The following KDM4C variants were observed in gnomAD, a reference collection of about 807,000 sequenced individuals.
The protein encoded by KDM4C is lysine demethylase 4C.
A neutral mutation model predicts 129.3 loss-of-function variants in KDM4C; 81 were observed. That is an observed-to-expected ratio of 0.63 (90% CI 0.52 to 0.75). The LOEUF (loss-of-function observed/expected upper bound fraction) is 0.75. KDM4C is among the 30% of genes least tolerant of loss of function. KDM4C has a pLI of 0.00. For missense variants in KDM4C, 1,457 were observed against 1,304.0 expected (o/e 1.12, Z -1.81); for synonymous variants, 573 against 456.1 (o/e 1.26, Z -3.26).
intron 8 of KDM4C, among the ~76,000 whole-genome samples, chr9:6,899,914 G>A (rs890217735): frequency 1.3e-5 from 2 of 152,250 alleles, no homozygotes; most frequent in Middle Eastern, 3.4e-3. Flanking sequence ...GGCATTATCT[G>A]CTTTTGAGTC....
At chr9:7,150,860 T>C (rs180886270) in intron 19 of KDM4C, among the ~76,000 whole-genome samples, 61 of 152,358 alleles carry the variant, frequency 4.0e-4, no homozygotes, top group African/African-American at 1.2e-3. Context: ...CTATTTCTAA[T>C]ATCATAAAGA....
intron 21 of KDM4C, among the ~76,000 whole-genome samples, chr9:7,173,808 CAG>C (rs1369742834): frequency 6.6e-6 from 1 of 152,190 alleles, no homozygotes; most frequent in Non-Finnish European, 1.5e-5. Flanking sequence ...GCCTCTGAGA[CAG>C]GGACTTTGTG....
chr9:6,887,305 G>A (rs1184328271), intron 6 of KDM4C, among the ~76,000 whole-genome samples: 23 of 152,290 alleles, frequency 1.5e-4, no homozygotes, highest in Admixed American at 1.3e-3. Flanking sequence ...CTGTCTTGGC[G>A]TATAATATAC....
At chr9:6,975,577 A>C (rs1832782772) in intron 8 of KDM4C, among the ~76,000 whole-genome samples, 1 of 152,110 alleles carries the variant, frequency 6.6e-6, no homozygotes, top group Non-Finnish European at 1.5e-5. Context: ...ATATTTTTTT[A>C]AGGTTATTTA....
At chr9:6,950,747 A>G (rs1419748632) in intron 8 of KDM4C, among the ~76,000 whole-genome samples, 1 of 152,186 alleles carries the variant, frequency 6.6e-6, no homozygotes, top group Non-Finnish European at 1.5e-5. Flanking sequence ...GAGAAAGCAT[A>G]CTTTTTTATG....
intron 15 of KDM4C, among the ~76,000 whole-genome samples, chr9:7,022,597 A>C (rs1825062002): frequency 6.7e-6 from 1 of 149,382 alleles, no homozygotes; most frequent in Admixed American, 6.7e-5. Context: ...AAACAACAAT[A>C]ATTTGAATTC....
intron 17 of KDM4C, among the ~76,000 whole-genome samples, chr9:7,062,547 C>G (rs150008478): frequency 1.4e-3 from 211 of 152,108 alleles, no homozygotes; most frequent in African/African-American, 5.0e-3. Flanking sequence ...ACTACTATTT[C>G]CAGCTAATTT....
In KDM4C at chr9:7,049,508, C is replaced by G. The variant is rs181341930; in HGVS notation, c.2424+308C>G. ...AAGATTTGTCAGTACTGGAGCTGAGCCATCTAACTCTATTTAAATTGTTTA... is the reference window on the plus strand; with the variant it reads ...AAGATTTGTCAGTACTGGAGCTGAGGCATCTAACTCTATTTAAATTGTTTA... On this transcript the variant is annotated intron_variant, in intron 17 of 21. Coordinates refer to ENST00000381309, the MANE Select transcript of KDM4C (RefSeq NM_015061.6). Among the ~76,000 whole-genome samples, 10 of 152,058 alleles carry G rather than the reference C, an allele frequency of 6.6e-5. No individual in the cohort carries two copies. The East Asian group carries it at 9.7e-4, about 15-fold the overall frequency.
intron 1 of KDM4C, among the ~76,000 whole-genome samples, chr9:6,760,006 A>G (rs1819093088): frequency 6.6e-6 from 1 of 150,848 alleles, no homozygotes; most frequent in South Asian, 2.1e-4. Flanking sequence ...AGCTTTTAGT[A>G]AATGAATAGT....
chr9:7,085,958 C>A (rs1373721889), intron 17 of KDM4C, among the ~76,000 whole-genome samples: 2 of 152,080 alleles, frequency 1.3e-5, no homozygotes, highest in Admixed American at 6.5e-5. Context: ...GAGTTCGAGA[C>A]CAGCCTGGCC....
chr9:7,073,156 C>G (rs1833442513), intron 17 of KDM4C, among the ~76,000 whole-genome samples: 2 of 152,280 alleles, frequency 1.3e-5, no homozygotes, highest in Admixed American at 1.3e-4. Context: ...GAATCTTCTT[C>G]TTAGAATGCT....
Position 6,918,381 on chromosome 9 carries a change from A to G in KDM4C, c.921+25149A>G, listed in dbSNP as rs547526553. Among the ~76,000 whole-genome samples, 9 of 152,334 alleles carry G rather than the reference A, an allele frequency of 5.9e-5. No homozygotes were observed. The East Asian group carries it at 7.7e-4, about 13-fold the overall frequency. The stretch of plus-strand genomic sequence containing the variant: ...TCTTTTTATGGCTGCATAGTATTCC[A>G]TGACGTGTATGTACCATATTTTCTT... On this transcript the variant is annotated intron_variant, in intron 8 of 21. Coordinates refer to ENST00000381309, the MANE Select transcript of KDM4C (RefSeq NM_015061.6).
intron 15 of KDM4C, among the ~76,000 whole-genome samples, chr9:7,034,406 C>T (rs1173724741): frequency 6.6e-6 from 1 of 152,172 alleles, no homozygotes; most frequent in Non-Finnish European, 1.5e-5. Context: ...CTTTTTACTT[C>T]TATGGGATCA....
At chr9:7,123,825 G>A (rs1468461263) in intron 18 of KDM4C, among the ~76,000 whole-genome samples, 3 of 152,142 alleles carry the variant, frequency 2.0e-5, no homozygotes, top group Admixed American at 6.5e-5. Flanking sequence ...CTACTGGAGC[G>A]GGTGAGGTGA....
chr9:7,007,785 AG>A (rs1425462280), intron 12 of KDM4C, among the ~76,000 whole-genome samples: 18 of 152,174 alleles, frequency 1.2e-4, no homozygotes, highest in African/African-American at 3.9e-4. Context: ...AAATCACACC[AG>A]GGAAAATTTA....
intron 8 of KDM4C, among the ~76,000 whole-genome samples, chr9:6,964,016 CA>C (rs776268398): frequency 6.6e-6 from 1 of 151,252 alleles, no homozygotes; most frequent in Non-Finnish European, 1.5e-5. Flanking sequence ...AAGCTAAGAA[CA>C]TAACTCTGAT....
chr9:6,791,868 C>G (rs1028540549), intron 1 of KDM4C, among the ~76,000 whole-genome samples: 8 of 151,846 alleles, frequency 5.3e-5, no homozygotes, highest in African/African-American at 9.7e-5. Context: ...ACTAAAAATA[C>G]AAAATTACCT....
rs191180822 is a variant in KDM4C at position 6,806,068 on chromosome 9, T to A, written c.320+294T>A. The stretch of plus-strand genomic sequence containing the variant: ...CATGATTCATGTTTGTTGGGCAGTT[T>A]TTTTGGTGTGTGTTTGATAATGTTT... On this transcript the variant is annotated intron_variant, in intron 3 of 21. Transcript: ENST00000381309. 2.7e-3 allele frequency among the ~76,000 whole-genome samples: 404 copies of A among 152,364 alleles called. 3 individuals are homozygous for A. Among genetic ancestry groups the A allele is most frequent in the Non-Finnish European group, 5.2e-3 (351 of 68,022 alleles).
At position 7,011,889 on chromosome 9, in the gene KDM4C, C is replaced by T. The variant is rs1172318304; in HGVS notation, c.1968+10C>T. The T allele has an allele frequency of 2.5e-6, 4 of 1,608,872 alleles. No individual in the cohort carries two copies. In the African/African-American group the frequency reaches 5.3e-5, roughly 22 times the overall value. Reference sequence around the variant, plus strand: ...CATGCCGTACCACAAGGTAAAGGAGCCTGCTATCATAGTTCCCTTCACTGC... The same window carrying T: ...CATGCCGTACCACAAGGTAAAGGAGTCTGCTATCATAGTTCCCTTCACTGC... On this transcript the variant is annotated intron_variant, in intron 13 of 21. Coordinates refer to ENST00000381309, the MANE Select transcript of KDM4C (RefSeq NM_015061.6).
Sources: gnomAD v4.1 joint callset for allele counts (sites outside exome capture counted in the v4.1 genomes callset) on GRCh38, gnomAD v4.1.1 for gene constraint, MANE v1.5 for transcripts, NCBI Gene and HGNC (gene_info 2026-07-23, HGNC 2026-07-21) for gene names.